The following LGALS13 variants were observed in gnomAD, a reference collection of about 807,000 sequenced individuals.
LGALS13 encodes the protein galectin 13, also known as galactoside-binding soluble lectin 13.
In LGALS13, 11 loss-of-function variants were observed where a neutral mutation model predicts 13.2. The ratio of observed to expected loss-of-function variants is 0.83; its 90% confidence interval spans 0.52 to 1.38. The LOEUF is 1.38. Among genes scored for constraint, LGALS13 ranks in the 40% most tolerant of loss-of-function variants. The pLI is 0.00. For synonymous variants in LGALS13, 71 were observed against 63.7 expected (o/e 1.11, Z -0.54); for missense variants, 183 against 174.3 (o/e 1.05, Z -0.28).
intron 2 of LGALS13, 62 bp downstream of exon 2, chr19:39,604,740 G>C: frequency 6.3e-7 from 1 of 1,587,128 alleles, no homozygotes; most frequent in Non-Finnish European, 8.7e-7. Flanking sequence ...GCGAAGATTT[G>C]ACCTTACATG....
At position 39,605,269 on chromosome 19, in the gene LGALS13, G is replaced by A. The variant is rs917248757; in HGVS notation, c.184G>A (p.Val62Met). 6.2e-7 allele frequency: 1 copy of A among 1,614,230 alleles called. No homozygotes were observed. ...FRFRVHFGNH[V>M]VMNRREFGIW... The stretch of plus-strand genomic sequence containing the variant: ...TTTCCGAGTGCACTTTGGCAATCAT[G>A]TGGTCATGAACAGGCGTGAGTTTGG... The change falls in exon 3 of 4, where the codon GTG becomes ATG. Residue 62 changes from valine (V) to methionine (M), a missense_variant. Physicochemically the swap from Val to Met is conservative, Grantham distance 21. Transcript: ENST00000221797.
At chr19:39,602,828 G>A (rs543191152) in intron 1 of LGALS13, among the ~76,000 whole-genome samples, 7 of 152,282 alleles carry the variant, frequency 4.6e-5, no homozygotes, top group Admixed American at 2.0e-4. Context: ...TAAACTCTGC[G>A]GAGATAATGT....
In LGALS13 at chr19:39,607,322, G is replaced by A. The variant is rs761280029; in HGVS notation, c.403G>A (p.Val135Met). ...QVSRDISLTS[V>M]CVCN is the part of the protein sequence containing the mutation. ...GTCGAGAGATATCTCCCTGACCTCA[G>A]TGTGTGTCTGCAATTGAGGGAGATG... The change falls in exon 4 of 4, where the codon GTG (valine) becomes ATG (methionine). Residue 135 changes from valine (V) to methionine (M), a missense_variant. By Grantham distance (21) the Val-to-Met change is conservative (BLOSUM62 1). Transcript: ENST00000221797. 1.2e-6 allele frequency: 2 copies of A among 1,608,754 alleles called. No individual in the cohort carries two copies. Among genetic ancestry groups the A allele is most frequent in the East Asian group, 2.2e-5 (1 of 44,754 alleles).
chr19:39,603,807 G>C (rs1284959004), intron 1 of LGALS13: 1 of 344,338 alleles, frequency 2.9e-6, no homozygotes, highest in East Asian at 1.7e-4. Flanking sequence ...AACCATGATT[G>C]CATCCCTGCA....
rs556467543 is a variant in LGALS13, at chr19:39,605,512, T to C, written c.303+124T>C. 6.4e-5 allele frequency: 51 copies of C among 801,040 alleles called. No individual in the cohort carries two copies. In the South Asian group the frequency reaches 7.3e-4, roughly 11 times the overall value. 49.6% of individuals were successfully genotyped at this position (801,040 alleles called of 1,614,324 possible). A position where few individuals can be genotyped will look rare whatever the true frequency, so the allele number is the denominator to read the frequency against. On this transcript the variant is annotated intron_variant, in intron 3 of 3. Transcript: ENST00000221797. ...CTCCCATAACTACTCCTGCCCCTGG[T>C]TTTCATCACAGAGCACCCCCTGCTT...
chr19:39,603,985 C>G (rs1972642125), intron 1 of LGALS13: 6 of 985,400 alleles, frequency 6.1e-6, no homozygotes, highest in Middle Eastern at 5.2e-4. Flanking sequence ...TGTGCCCCTT[C>G]TTGGAAGGAT....
At chr19:39,603,105 G>A (rs1972627118) in intron 1 of LGALS13, among the ~76,000 whole-genome samples, 1 of 152,170 alleles carries the variant, frequency 6.6e-6, no homozygotes, top group Admixed American at 6.5e-5. Context: ...ACATGTGAAT[G>A]TTTCTCCCCA....
intron 1 of LGALS13, 151 bp from the exon 2 acceptor site, chr19:39,604,451 G>T (rs892688789): frequency 5.8e-6 from 5 of 859,412 alleles, no homozygotes; most frequent in Non-Finnish European, 9.5e-6. Flanking sequence ...ATATCTTCAG[G>T]AATATGGGGC....
At position 39,607,454 on chromosome 19, in the gene LGALS13, T is replaced by C; in HGVS notation, c.*115T>C. The C allele has an allele frequency of 1.3e-6, 1 of 763,408 alleles. No individual in the cohort carries two copies. Among genetic ancestry groups the C allele is most frequent in the Middle Eastern group, 3.3e-4 (1 of 2,988 alleles). 47.3% of individuals were successfully genotyped at this position (763,408 alleles called of 1,614,324 possible). ...TCACATTTTCCCCTACACTTTGTCA[T>C]TAAAACAGCACGAAAACTCACATGA... On this transcript the variant is annotated 3_prime_UTR_variant, in exon 4 of 4. Coordinates refer to ENST00000221797, the MANE Select transcript of LGALS13 (RefSeq NM_013268.3).
At chr19:39,605,070 T>G in intron 2 of LGALS13, 108 bp from the exon 3 acceptor site, 1 of 932,718 alleles carries the variant, frequency 1.1e-6, no homozygotes, top group Admixed American at 2.0e-5. Flanking sequence ...CAGTATTATC[T>G]GGGAGACTTT....
rs1359679356 is a variant in LGALS13, at chr19:39,603,834, A to G, written c.16-768A>G. 9.3e-6 allele frequency: 6 copies of G among 647,578 alleles called. No homozygotes were observed. In the East Asian group the frequency reaches 5.6e-4, roughly 60 times the overall value. The allele number at this position is 647,578 out of a possible 1,614,324, so 40.1% of individuals were successfully genotyped here. On this transcript the variant is annotated intron_variant, in intron 1 of 3. Coordinates refer to ENST00000221797, the MANE Select transcript of LGALS13 (RefSeq NM_013268.3). ...ATCCCTGCATGTCAGCCTGGGTGAC[A>G]GAGCAAGAACCTATCTCAAAAGTAC...
chr19:39,602,563 A>T lies in LGALS13; in HGVS notation c.-6A>T. 6.2e-7 allele frequency: 1 copy of T among 1,614,146 alleles called. No individual in the cohort carries two copies. The highest frequency in any genetic ancestry group is 8.5e-7 in the Non-Finnish European group (1 of 1,179,946). On this transcript the variant is annotated 5_prime_UTR_variant, in exon 1 of 4. Transcript: ENST00000221797. The stretch of plus-strand genomic sequence containing the variant: ...AATTCTGAAGGTCGCCAAGAAGGAG[A>T]GAACAATGTCTTCTTTACCCGTGAG...
chr19:39,607,398 TC>T lies in LGALS13; in HGVS notation c.*62del. 1 of 1,092,308 alleles carries T rather than the reference TC, an allele frequency of 9.2e-7. No individual in the cohort carries two copies. The allele number at this position is 1,092,308 out of a possible 1,614,324, so 67.7% of individuals were successfully genotyped here. On this transcript the variant is annotated 3_prime_UTR_variant, in exon 4 of 4. Coordinates refer to ENST00000221797, the MANE Select transcript of LGALS13 (RefSeq NM_013268.3). The stretch of plus-strand genomic sequence containing the variant: ...CCCTCTTTCTACCTGACCATGGGAT[TC>T]CCAGAACCTGCTAACAGAATAATCC...
rs779408859 is a variant in LGALS13, at chr19:39,605,314, AC to A, written c.230del (p.Thr77LysfsTer26). On this transcript the variant is annotated frameshift_variant, in exon 3 of 4. Coordinates refer to ENST00000221797, the MANE Select transcript of LGALS13 (RefSeq NM_013268.3). LOFTEE classifies it high-confidence loss of function. ...REFGIWMLEE[T>X]TDYVPFEDGK... is the part of the protein sequence containing the mutation. ...GTTTGGGATATGGATGTTGGAGGAG[AC>A]AACAGACTACGTGCCCTTTGAGGAT... The A allele has an allele frequency of 2.4e-5, 38 of 1,614,148 alleles. 1 individual carries two copies. In the African/African-American group the frequency reaches 3.2e-4, roughly 14 times the overall value.
Position 39,605,225 on chromosome 19 carries a change from A to T in LGALS13, c.140A>T (p.Asp47Val). 1 of 1,614,232 alleles carries T rather than the reference A, an allele frequency of 6.2e-7. No homozygotes were observed. Among genetic ancestry groups the T allele is most frequent in the Non-Finnish European group, 8.5e-7 (1 of 1,180,038 alleles). The change falls in exon 3 of 4, where the codon GAT (aspartate) becomes GTT (valine). Residue 47 changes from aspartate to valine, a missense_variant. Transcript: ENST00000221797. Reference sequence around the variant, plus strand: ...GATTTCTACACTGACATGGATGAGGATTCAGATATTGCCTTCCGTTTCCGA... The same window carrying T: ...GATTTCTACACTGACATGGATGAGGTTTCAGATATTGCCTTCCGTTTCCGA... ...QVDFYTDMDE[D>V]SDIAFRFRVH... is the part of the protein sequence containing the mutation.
chr19:39,603,576 G>A (rs1972634395), intron 1 of LGALS13, among the ~76,000 whole-genome samples: 3 of 151,924 alleles, frequency 2.0e-5, no homozygotes, highest in Admixed American at 1.3e-4. Flanking sequence ...AAGCAGCTGG[G>A]TTCACTGGCT....
intron 1 of LGALS13, chr19:39,603,943 G>A (rs779017248): frequency 2.5e-5 from 25 of 985,322 alleles, no homozygotes; most frequent in Admixed American, 1.8e-4. Flanking sequence ...AGCTTCATTT[G>A]TGCAAGTACT....
intron 3 of LGALS13, 127 bp from the exon 4 acceptor site, chr19:39,607,096 T>C: frequency 1.3e-6 from 1 of 757,566 alleles, no homozygotes; most frequent in Non-Finnish European, 2.4e-6. Flanking sequence ...TAAGTGTATC[T>C]AATACGTTAA....
In LGALS13 at chr19:39,604,632, G is replaced by A. The variant is rs376233853; in HGVS notation, c.46G>A (p.Val16Ile). The change falls in exon 2 of 4, where the codon GTT becomes ATT. Residue 16 changes from valine to isoleucine, a missense_variant. By Grantham distance (29) the Val-to-Ile change is conservative (BLOSUM62 3). Coordinates refer to ENST00000221797, the MANE Select transcript of LGALS13 (RefSeq NM_013268.3). ...ATACAAACTGCCTGTGTCTTTGTCT[G>A]TTGGTTCCTGCGTGATAATCAAAGG... ...VPYKLPVSLS[V>I]GSCVIIKGTP... The A allele has an allele frequency of 7.4e-6, 12 of 1,614,198 alleles. No individual in the cohort carries two copies. The highest frequency in any genetic ancestry group is 1.0e-5 in the Non-Finnish European group (12 of 1,180,044).
Sources: allele counts gnomAD v4.1 joint callset (sites outside exome capture counted in the v4.1 genomes callset), GRCh38; gene constraint gnomAD v4.1.1; transcripts MANE v1.5; gene names NCBI Gene and HGNC (gene_info 2026-07-23, HGNC 2026-07-21).